The following WDPCP variants were observed in gnomAD, a reference collection of about 807,000 sequenced individuals.
The protein encoded by WDPCP is WD repeat containing planar cell polarity effector.
WDPCP carries 71 observed loss-of-function variants against 93.1 expected under a neutral mutation model. The observed-to-expected ratio is 0.76, with a 90% confidence interval of 0.63 to 0.93. WDPCP has a LOEUF of 0.93. WDPCP is among the 40% of genes least tolerant of loss of function. The pLI is 0.00. For missense variants in WDPCP, 844 were observed against 887.4 expected (o/e 0.95, Z 0.62); for synonymous variants, 315 against 315.0 (o/e 1.00, Z 0.00).
At chr2:63,205,425 C>A (rs568288350) in intron 14 of WDPCP, among the ~76,000 whole-genome samples, 1 of 152,202 alleles carries the variant, frequency 6.6e-6, no homozygotes, top group African/African-American at 2.4e-5. Flanking sequence ...GTAGTATGGA[C>A]ATTTTATCAA....
At chr2:63,584,714 C>G (rs961418994) in intron 1 of WDPCP, among the ~76,000 whole-genome samples, 3 of 151,950 alleles carry the variant, frequency 2.0e-5, no homozygotes, top group African/African-American at 7.3e-5. Context: ...ATTACGTTTC[C>G]AGATATAATG....
chr2:63,185,801 T>A (rs1467748445), intron 14 of WDPCP, among the ~76,000 whole-genome samples: 1 of 152,152 alleles, frequency 6.6e-6, no homozygotes, highest in African/African-American at 2.4e-5. Context: ...TCCCAGGCAA[T>A]GGGCTGGATT....
At chr2:63,571,437 T>C in intron 1 of WDPCP, 1 of 466,444 alleles carries the variant, frequency 2.1e-6, no homozygotes, top group South Asian at 1.6e-5. Context: ...CCTTTCAGCC[T>C]GAAGAATTTC....
At chr2:63,757,377 T>G (rs537883473) in intron 2 of WDPCP, among the ~76,000 whole-genome samples, 12 of 152,334 alleles carry the variant, frequency 7.9e-5, no homozygotes, top group Admixed American at 7.8e-4. Flanking sequence ...TGTTCCTGTA[T>G]CAGCCCTTAT....
At chr2:63,389,249 A>G (rs1693009051) in intron 10 of WDPCP, among the ~76,000 whole-genome samples, 1 of 152,356 alleles carries the variant, frequency 6.6e-6, no homozygotes, top group African/African-American at 2.4e-5. Context: ...AATATTCAAC[A>G]TTCTTAAAGA....
rs796953001 is a variant in WDPCP, at chr2:63,710,439, T to C, written n.309-59601A>G. The stretch of plus-strand genomic sequence containing the variant: ...TCATTGTTGCAAATTCCAGATACTA[T>C]ATGCTATTGCTGATTTCTGCAAACC... On this transcript the variant is annotated intron_variant and non_coding_transcript_variant, in intron 2 of 4. Transcript: ENST00000467687. 2.6e-5 allele frequency among the ~76,000 whole-genome samples: 4 copies of C among 152,316 alleles called. 1 individual carries two copies. Among genetic ancestry groups the C allele is most frequent in the African/African-American group, 9.6e-5 (4 of 41,566 alleles).
At chr2:63,572,208 C>A (rs994849163) in intron 1 of WDPCP, among the ~76,000 whole-genome samples, 1 of 152,156 alleles carries the variant, frequency 6.6e-6, no homozygotes, top group Non-Finnish European at 1.5e-5. Context: ...CACAACTATT[C>A]CACAGCTACT....
intron 14 of WDPCP, among the ~76,000 whole-genome samples, chr2:63,221,315 G>A (rs1677813148): frequency 1.3e-5 from 2 of 152,184 alleles, no homozygotes; most frequent in Non-Finnish European, 1.5e-5. Context: ...CAGCTGTTTT[G>A]TAATGCTTTC....
At chr2:63,448,630 C>T (rs887491285) in intron 6 of WDPCP, among the ~76,000 whole-genome samples, 6 of 152,026 alleles carry the variant, frequency 3.9e-5, no homozygotes, top group African/African-American at 1.4e-4. Context: ...AGAATAAAAA[C>T]GATCACTGAA....
intron 2 of WDPCP, chr2:63,717,392 T>A (rs1669354403): frequency 2.3e-6 from 1 of 425,866 alleles, no homozygotes; most frequent in African/African-American, 2.1e-5. Flanking sequence ...CTGATGATAG[T>A]GTCTGTTTTT....
chr2:63,414,604 T>C (rs940876856), intron 9 of WDPCP, among the ~76,000 whole-genome samples: 1 of 152,168 alleles, frequency 6.6e-6, no homozygotes, highest in African/African-American at 2.4e-5. Flanking sequence ...GAGACTATTA[T>C]TCTAAGTGAA....
At chr2:63,512,143 CTCA>C (rs1702275647) in intron 1 of WDPCP, among the ~76,000 whole-genome samples, 1 of 152,132 alleles carries the variant, frequency 6.6e-6, no homozygotes, top group Non-Finnish European at 1.5e-5. Flanking sequence ...TGAAAAAAAG[CTCA>C]TCATCACTGG....
At chr2:63,635,722 G>A (rs750687284) in intron 3 of WDPCP, among the ~76,000 whole-genome samples, 6 of 152,140 alleles carry the variant, frequency 3.9e-5, no homozygotes, top group African/African-American at 7.2e-5. Context: ...AATAAAGGCC[G>A]TATATGACAA....
intron 10 of WDPCP, among the ~76,000 whole-genome samples, chr2:63,388,936 A>T (rs1692979846): frequency 1.3e-5 from 2 of 152,222 alleles, no homozygotes; most frequent in South Asian, 4.1e-4. Flanking sequence ...GTGTACCTAA[A>T]AGTGATGGGG....
intron 12 of WDPCP, among the ~76,000 whole-genome samples, chr2:63,323,612 G>A (rs930064445): frequency 2.0e-5 from 3 of 152,108 alleles, no homozygotes; most frequent in African/African-American, 4.8e-5. Context: ...CATTTGGGGG[G>A]CATAACATCT....
At chr2:63,178,270 G>A (rs1015343317) in intron 14 of WDPCP, among the ~76,000 whole-genome samples, 4 of 152,104 alleles carry the variant, frequency 2.6e-5, no homozygotes, top group African/African-American at 9.7e-5. Context: ...TTTTGGAAGA[G>A]TTTGAGGAGA....
chr2:63,238,734 A>C (rs1183310059), intron 14 of WDPCP, among the ~76,000 whole-genome samples: 2 of 152,276 alleles, frequency 1.3e-5, no homozygotes, highest in East Asian at 3.9e-4. Flanking sequence ...AGTATATGTG[A>C]AAGTAAAAAA....
chr2:63,297,204 C>T (rs2103674993), intron 13 of WDPCP, among the ~76,000 whole-genome samples: 2 of 152,250 alleles, frequency 1.3e-5, no homozygotes, highest in Middle Eastern at 3.4e-3. Flanking sequence ...TTGTAAAAAG[C>T]ATGTGGTTTA....
At chr2:63,306,150 CA>C (rs1685722892) in intron 13 of WDPCP, among the ~76,000 whole-genome samples, 1 of 152,078 alleles carries the variant, frequency 6.6e-6, no homozygotes, top group Non-Finnish European at 1.5e-5. Context: ...AAGAAATAGA[CA>C]AATTCCTGGA....
Sources: allele counts gnomAD v4.1 joint callset (sites outside exome capture counted in the v4.1 genomes callset), GRCh38; gene constraint gnomAD v4.1.1; transcripts MANE v1.5; gene names NCBI Gene and HGNC (gene_info 2026-07-23, HGNC 2026-07-21).